ZBTB7C: variants seen among roughly 807,000 people sequenced by gnomAD.
The protein encoded by ZBTB7C is zinc finger and BTB domain containing 7C.
A neutral mutation model predicts 25.7 loss-of-function variants in ZBTB7C; 8 were observed. The observed-to-expected ratio is 0.31, with a 90% CI of 0.18 to 0.56. The LOEUF is 0.56. Ranked by LOEUF, ZBTB7C falls within the 20% of genes least tolerant of loss-of-function variation. The pLI is 0.91. For missense variants in ZBTB7C, 824 were observed against 855.2 expected, an observed-to-expected ratio of 0.96 and a Z score of 0.46; for synonymous variants, 394 against 369.0, an observed-to-expected ratio of 1.07 and a Z score of -0.78.
At chr18:48,292,932 G>A (rs1453387782) in intron 2 of ZBTB7C, among the ~76,000 whole-genome samples, 1 of 152,176 alleles carries the variant, frequency 6.6e-6, no homozygotes, top group Non-Finnish European at 1.5e-5. Context: ...GGCAAGCACT[G>A]TGGTGACACC....
At chr18:48,160,087 A>G (rs62087434) in intron 3 of ZBTB7C, among the ~76,000 whole-genome samples, 54,569 of 152,138 alleles carry the variant, frequency 0.36, 11,396 homozygotes, top group East Asian at 0.54. Flanking sequence ...ACCCACCTCC[A>G]GACCCACAGT....
intron 2 of ZBTB7C, among the ~76,000 whole-genome samples, chr18:48,278,592 G>C (rs539291690): frequency 6.6e-6 from 1 of 152,160 alleles, no homozygotes; most frequent in East Asian, 1.9e-4. Context: ...ACCATGCCCA[G>C]CTAATTTTTG....
chr18:48,146,035 A>G (rs922178557), intron 3 of ZBTB7C, among the ~76,000 whole-genome samples: 1 of 152,040 alleles, frequency 6.6e-6, no homozygotes, highest in East Asian at 1.9e-4. Context: ...TTTGTATTTA[A>G]TTTTTTCCTA....
intron 2 of ZBTB7C, among the ~76,000 whole-genome samples, chr18:48,194,441 A>G (rs1163253630): frequency 1.3e-5 from 2 of 152,208 alleles, no homozygotes; most frequent in South Asian, 4.1e-4. Context: ...CTCCACTTTC[A>G]TAGCTGGGGG....
intron 2 of ZBTB7C, among the ~76,000 whole-genome samples, chr18:48,262,773 T>C (rs1177836408): frequency 6.6e-6 from 1 of 152,078 alleles, no homozygotes; most frequent in East Asian, 1.9e-4. Context: ...TCTTTAGGGC[T>C]ATGTGGCCAG....
chr18:48,240,064 C>T (rs2043483392), intron 2 of ZBTB7C, among the ~76,000 whole-genome samples: 1 of 151,816 alleles, frequency 6.6e-6, no homozygotes, highest in Admixed American at 6.6e-5. Flanking sequence ...CAGAGAAATG[C>T]AAAATACACT....
intron 1 of ZBTB7C, among the ~76,000 whole-genome samples, chr18:48,362,320 C>T (rs919352459): frequency 6.6e-6 from 1 of 152,166 alleles, no homozygotes; most frequent in African/African-American, 2.4e-5. Context: ...TGTCTGTCTC[C>T]CCAGAATTCC....
At chr18:48,117,387 C>T (rs1242053003) in intron 3 of ZBTB7C, among the ~76,000 whole-genome samples, 1 of 152,172 alleles carries the variant, frequency 6.6e-6, no homozygotes, top group South Asian at 2.1e-4. Context: ...AGGAGGTTCA[C>T]TTAATCTCAC....
intron 2 of ZBTB7C, among the ~76,000 whole-genome samples, chr18:48,264,854 G>A (rs1019681365): frequency 2.0e-5 from 3 of 152,100 alleles, no homozygotes; most frequent in East Asian, 1.9e-4. Context: ...TCCATCTGTC[G>A]TCTCAATCAA....
chr18:48,120,354 G>A (rs886726451), intron 3 of ZBTB7C, among the ~76,000 whole-genome samples: 18 of 152,106 alleles, frequency 1.2e-4, no homozygotes, highest in Non-Finnish European at 1.9e-4. Flanking sequence ...GGCTAGGCAC[G>A]GTGGCTCACG....
chr18:48,162,724 G>A (rs577897115), intron 3 of ZBTB7C, among the ~76,000 whole-genome samples: 4 of 152,334 alleles, frequency 2.6e-5, no homozygotes, highest in South Asian at 4.1e-4. Flanking sequence ...AATAGGGACC[G>A]TAATGCCCAT....
At chr18:48,187,684 G>C (rs1421651215) in intron 2 of ZBTB7C, among the ~76,000 whole-genome samples, 1 of 150,732 alleles carries the variant, frequency 6.6e-6, no homozygotes, top group Non-Finnish European at 1.5e-5. Flanking sequence ...AGTCGGGTGT[G>C]GGGGCCGGTG....
At chr18:48,128,119 T>A (rs1468991276) in intron 3 of ZBTB7C, among the ~76,000 whole-genome samples, 3 of 152,208 alleles carry the variant, frequency 2.0e-5, no homozygotes, top group Non-Finnish European at 2.9e-5. Context: ...TGCCTGAACA[T>A]CAGCCTCTGG....
intron 3 of ZBTB7C, chr18:48,148,513 C>G (rs909292328): frequency 6.6e-6 from 1 of 152,154 alleles, no homozygotes; most frequent in Admixed American, 6.5e-5. Context: ...TGGACCCAGT[C>G]TACAATATCT....
rs531660468 is a variant in ZBTB7C at position 48,314,034 on chromosome 18, C to A, written c.-79+24140G>T. Among the ~76,000 whole-genome samples, 50 of 152,276 alleles carry A rather than the reference C, an allele frequency of 3.3e-4. No homozygotes were observed. The South Asian group carries it at 9.6e-3, about 29-fold the overall frequency. The stretch of plus-strand genomic sequence containing the variant: ...CCTGTCACCACCTGCCTCACCAGAA[C>A]CAGAGGCCAGCACCGTGCTTCCTGT... On this transcript the variant is annotated intron_variant, in intron 2 of 4. Coordinates refer to ENST00000590800, the MANE Select transcript of ZBTB7C (RefSeq NM_001318841.2).
intron 2 of ZBTB7C, among the ~76,000 whole-genome samples, chr18:48,191,831 A>G (rs1386453902): frequency 2.0e-5 from 3 of 152,168 alleles, no homozygotes; most frequent in African/African-American, 7.2e-5. Context: ...TCCAATACTA[A>G]AATCAACCAC....
chr18:48,254,339 G>A (rs2043960850), intron 2 of ZBTB7C, among the ~76,000 whole-genome samples: 1 of 152,180 alleles, frequency 6.6e-6, no homozygotes, highest in African/African-American at 2.4e-5. Context: ...AGACAAGATG[G>A]CCCTGGCCAA....
At chr18:48,357,189 G>A in intron 1 of ZBTB7C, among the ~76,000 whole-genome samples, 1 of 152,242 alleles carries the variant, frequency 6.6e-6, no homozygotes, top group East Asian at 1.9e-4. Context: ...AGAACATATA[G>A]ATTCTGATGG....
intron 2 of ZBTB7C, among the ~76,000 whole-genome samples, chr18:48,270,253 CT>C (rs760096959): frequency 1.7e-3 from 172 of 98,770 alleles, no homozygotes; most frequent in Middle Eastern, 7.6e-3. Flanking sequence ...TTCTCTCTTT[CT>C]TTTTTTTTTT....
Sources: gnomAD v4.1 joint callset for allele counts (sites outside exome capture counted in the v4.1 genomes callset) on GRCh38, gnomAD v4.1.1 for gene constraint, MANE v1.5 for transcripts, NCBI Gene and HGNC (gene_info 2026-07-23, HGNC 2026-07-21) for gene names.